The following SPART variants were observed in gnomAD, a reference collection of about 807,000 sequenced individuals.
SPART encodes the protein spartin, also known as spastic paraplegia 20 (Troyer syndrome).
SPART carries 35 observed loss-of-function variants against 58.7 expected under a neutral mutation model. The observed-to-expected ratio is 0.60, with a 90% CI of 0.46 to 0.79. The LOEUF is 0.79. SPART is among the 30% of genes least tolerant of loss of function. The pLI is 0.00. For synonymous variants in SPART, 284 were observed against 280.7 expected (o/e 1.01, Z -0.12); for missense variants, 730 against 786.1 (o/e 0.93, Z 0.85).
intron 8 of SPART, among the ~76,000 whole-genome samples, chr13:36,309,332 A>G (rs1030809385): frequency 6.6e-6 from 1 of 152,148 alleles, no homozygotes; most frequent in African/African-American, 2.4e-5. Flanking sequence ...AATGTAAACT[A>G]GTTCAGCCAC....
rs182868173 is a variant in SPART at position 36,353,340 on chromosome 13, C to T, written c.-3+16749G>A. ...TCGAGACTGTAAGCCCCTGGGGAGA[C>T]CCTTGGACATTTTGAAGAAGGCATT... On this transcript the variant is annotated intron_variant, in intron 1 of 8. Coordinates refer to the SPART transcript ENST00000355182. Among the ~76,000 whole-genome samples the T allele has an allele frequency of 5.1e-4, 78 of 152,224 alleles. 2 individuals carry two copies. The East Asian group carries it at 0.015, about 29-fold the overall frequency.
chr13:36,324,550 C>T (rs1163426122), intron 5 of SPART, among the ~76,000 whole-genome samples: 1 of 152,224 alleles, frequency 6.6e-6, no homozygotes, highest in Non-Finnish European at 1.5e-5. Context: ...ATAAGCCACT[C>T]CTGCTGTGAC....
intron 2 of SPART, among the ~76,000 whole-genome samples, chr13:36,332,899 A>C (rs1334509244): frequency 2.6e-5 from 4 of 152,248 alleles, no homozygotes; most frequent in African/African-American, 9.6e-5. Flanking sequence ...ATTAAGATAA[A>C]ACTGACAAGT....
intron 5 of SPART, among the ~76,000 whole-genome samples, chr13:36,321,990 C>A (rs1290638944): frequency 3.3e-5 from 5 of 151,954 alleles, no homozygotes; most frequent in Non-Finnish European, 5.9e-5. Flanking sequence ...CACCTTGCGA[C>A]CCCCACTCCT....
chr13:36,356,727 A>ACCTC (rs1885635988), intron 1 of SPART, among the ~76,000 whole-genome samples: 1 of 152,178 alleles, frequency 6.6e-6, no homozygotes, highest in African/African-American at 2.4e-5. Context: ...TGTTCTCAGG[A>ACCTC]CCTCCTGAAG....
chr13:36,344,833 C>CACCAGT (rs1387208681), intron 1 of SPART, among the ~76,000 whole-genome samples: 3 of 152,200 alleles, frequency 2.0e-5, no homozygotes, highest in Non-Finnish European at 2.9e-5. Flanking sequence ...ACAGTACCTA[C>CACCAGT]ACCAGTGTAC....
chr13:36,364,322 C>G (rs972044007), intron 1 of SPART, among the ~76,000 whole-genome samples: 2 of 152,158 alleles, frequency 1.3e-5, no homozygotes, highest in African/African-American at 2.4e-5. Flanking sequence ...AAAATTGAAC[C>G]TGTATTCCTT....
chr13:36,329,373 G>A lies in SPART; in HGVS notation c.1153C>T (p.Arg385Cys), dbSNP rs199556543. The A allele has an allele frequency of 2.8e-5, 45 of 1,613,870 alleles. No individual in the cohort carries two copies. Among genetic ancestry groups the A allele is most frequent in the Middle Eastern group, 1.6e-4 (1 of 6,082 alleles). Reference sequence around the variant, plus strand: ...ACTCTTTTATTTACCCTTTTTCCACGTTTTCCTTTATGACGTACATCCTTA... The same window carrying A: ...ACTCTTTTATTTACCCTTTTTCCACATTTTCCTTTATGACGTACATCCTTA... ...GNKDVRHKGKRGKRAKDTSSE... is the reference protein window; with the variant it reads ...GNKDVRHKGKCGKRAKDTSSE... The change falls in exon 4 of 9, where the codon CGT (arginine) becomes TGT (cysteine). Residue 385 changes from arginine (R) to cysteine (C), a missense_variant. Coordinates refer to ENST00000438666, the MANE Select transcript of SPART (RefSeq NM_015087.5).
chr13:36,362,179 C>T (rs1343826843), intron 1 of SPART, among the ~76,000 whole-genome samples: 2 of 151,882 alleles, frequency 1.3e-5, no homozygotes, highest in Non-Finnish European at 2.9e-5. Flanking sequence ...GGCAAAACCC[C>T]GTCTCTACTA....
At position 36,335,363 on chromosome 13, in the gene SPART, A is replaced by T; in HGVS notation, c.468T>A (p.Pro156=). ...STPSAGAVAA[P]ASLSLPSQSC... ...TTTGTGATGGTAAAGACAGAGAAGC[A>T]GGTGCAGCAACTGCCCCTGCACTTG... Residue 156 remains proline, a synonymous_variant, in exon 2 of 9, where the codon CCT becomes CCA. Transcript: ENST00000438666. The T allele has an allele frequency of 6.2e-7, 1 of 1,614,128 alleles. No individual in the cohort carries two copies. The highest frequency in any genetic ancestry group is 8.5e-7 in the Non-Finnish European group (1 of 1,180,020).
intron 1 of SPART, chr13:36,365,758 G>A (rs1478701520): frequency 3.0e-6 from 1 of 333,026 alleles, no homozygotes; most frequent in East Asian, 9.2e-5. Context: ...CGTCTGCAAT[G>A]GAACAGGCGA....
chr13:36,314,290 T>C lies in SPART; in HGVS notation c.1420A>G (p.Thr474Ala), dbSNP rs1341452886. ...EKPVEVSPAV[T>A]KGLYIAKQAT... ...TGCTTCGCTATATAAAGTCCCTTGG[T>C]GACAGCTGGACTAACTTCCACGGGT... Residue 474 changes from threonine to alanine, a missense_variant, in exon 6 of 9, where the codon ACC (threonine) becomes GCC (alanine). Thr to Ala is a moderately conservative substitution (Grantham distance 58). Transcript: ENST00000438666. 1 of 1,614,216 alleles carries C rather than the reference T, an allele frequency of 6.2e-7. No homozygotes were observed.
At chr13:36,365,245 A>G (rs1048380489) in intron 1 of SPART, among the ~76,000 whole-genome samples, 14 of 152,188 alleles carry the variant, frequency 9.2e-5, no homozygotes, top group Non-Finnish European at 1.8e-4. Flanking sequence ...GGTTAAAGTA[A>G]AAAAAAATTA....
intron 1 of SPART, among the ~76,000 whole-genome samples, chr13:36,345,235 T>G (rs902017854): frequency 6.6e-6 from 1 of 152,158 alleles, no homozygotes; most frequent in Admixed American, 6.5e-5. Context: ...AGGGAAACCA[T>G]AGACAACGAC....
chr13:36,307,441 C>T (rs1484877718), intron 8 of SPART, among the ~76,000 whole-genome samples: 2 of 152,018 alleles, frequency 1.3e-5, no homozygotes, highest in East Asian at 1.9e-4. Flanking sequence ...AATAAATCAG[C>T]TACACTTAAC....
chr13:36,341,366 T>C (rs1009581163), intron 1 of SPART, among the ~76,000 whole-genome samples: 2 of 152,224 alleles, frequency 1.3e-5, no homozygotes, highest in African/African-American at 4.8e-5. Flanking sequence ...ATCTTATTTA[T>C]CCAAATATAT....
At chr13:36,326,799 A>T in intron 4 of SPART, 101 bp from the exon 5 acceptor site, 1 of 1,305,016 alleles carries the variant, frequency 7.7e-7, no homozygotes, top group Admixed American at 1.9e-5. Context: ...TACTAGATAA[A>T]ATTAATGAAA....
intron 5 of SPART, among the ~76,000 whole-genome samples, chr13:36,320,389 C>T (rs529114861): frequency 1.3e-5 from 2 of 152,258 alleles, no homozygotes; most frequent in African/African-American, 4.8e-5. Context: ...CCCAAATTTC[C>T]TTCTTTCCTG....
intron 8 of SPART, among the ~76,000 whole-genome samples, 183 bp downstream of exon 8, chr13:36,311,956 GTGTGCC>G (rs1186667892): frequency 1.3e-5 from 2 of 151,974 alleles, no homozygotes; most frequent in East Asian, 3.9e-4. Context: ...GCATGGTGGC[GTGTGCC>G]TGCAATCCCA....
Sources: gnomAD v4.1 joint callset for allele counts (sites outside exome capture counted in the v4.1 genomes callset) on GRCh38, gnomAD v4.1.1 for gene constraint, MANE v1.5 for transcripts, NCBI Gene and HGNC (gene_info 2026-07-23, HGNC 2026-07-21) for gene names.